Variants in LOXL2 observed in about 807,000 individuals in gnomAD.
The protein encoded by LOXL2 is lysyl oxidase homolog 2.
In LOXL2, 70 loss-of-function variants were observed where a neutral mutation model predicts 93.0. That is an observed-to-expected ratio of 0.75 (90% confidence interval 0.62 to 0.92). The LOEUF (loss-of-function observed/expected upper bound fraction) is 0.92. Among genes scored for constraint, LOXL2 ranks in the 40% least tolerant of loss-of-function variants. The pLI is 0.00. For missense variants in LOXL2, 973 were observed against 1,054.9 expected (o/e 0.92, Z 1.08); for synonymous variants, 438 against 413.2 (o/e 1.06, Z -0.73).
intron 9 of LOXL2, among the ~76,000 whole-genome samples, chr8:23,312,579 G>C (rs562170956): frequency 3.0e-3 from 412 of 137,344 alleles, no homozygotes; most frequent in Non-Finnish European, 5.0e-3. Context: ...TGCAGAAAAG[G>C]CCTTTGACAA....
In LOXL2 at chr8:23,328,533, G is replaced by A. The variant is rs1563191570; in HGVS notation, c.999C>T (p.Tyr333=). The A allele has an allele frequency of 1.2e-6, 2 of 1,614,040 alleles. No individual in the cohort carries two copies. The highest frequency in any genetic ancestry group is 1.7e-6 in the Non-Finnish European group (2 of 1,180,016). The part of the protein sequence containing the change: ...QPLVRLRGGA[Y]IGEGRVEVLK... ...GCACCTCCACGCGGCCCTCCCCGAT[G>A]TAGGCACCGCCTCTCAGTCGCACCA... The change falls in exon 6 of 14, where the codon TAC becomes TAT. Residue 333 remains tyrosine (Y), a synonymous_variant. Coordinates refer to ENST00000389131, the MANE Select transcript of LOXL2 (RefSeq NM_002318.3).
intron 11 of LOXL2, among the ~76,000 whole-genome samples, 168 bp from the exon 12 acceptor site, chr8:23,302,331 C>T (rs1182482818): frequency 6.6e-6 from 1 of 152,134 alleles, no homozygotes; most frequent in African/African-American, 2.4e-5. Flanking sequence ...CCACTCAATT[C>T]CCTACCCACA....
chr8:23,328,194 G>T (rs1047638907), intron 6 of LOXL2, among the ~76,000 whole-genome samples, 188 bp downstream of exon 6: 7 of 152,064 alleles, frequency 4.6e-5, no homozygotes, highest in Non-Finnish European at 1.0e-4. Flanking sequence ...TATAAAATAG[G>T]GTCTCAGTGT....
chr8:23,345,851 G>A (rs1563197265), intron 3 of LOXL2, among the ~76,000 whole-genome samples: 1 of 151,936 alleles, frequency 6.6e-6, no homozygotes, highest in Non-Finnish European at 1.5e-5. Flanking sequence ...GGCGGATCAC[G>A]AGGTCAGGAG....
intron 2 of LOXL2, chr8:23,366,059 C>T (rs570441343): frequency 6.6e-6 from 1 of 152,218 alleles, no homozygotes; most frequent in Admixed American, 6.5e-5. Context: ...AAACCACAAC[C>T]CCCTTGTCTG....
chr8:23,322,390 TC>T, intron 6 of LOXL2, 109 bp from the exon 7 acceptor site: 2 of 882,426 alleles, frequency 2.3e-6, no homozygotes, highest in Non-Finnish European at 3.5e-6. Flanking sequence ...CTCAGAACTC[TC>T]CCCACTGCCT....
chr8:23,327,599 A>G (rs1016654719), intron 6 of LOXL2, among the ~76,000 whole-genome samples: 10 of 151,202 alleles, frequency 6.6e-5, no homozygotes, highest in Admixed American at 3.3e-4. Context: ...GACTTCCCTC[A>G]CTCAAGTCAC....
At chr8:23,395,911 C>G (rs187475319) in intron 1 of LOXL2, among the ~76,000 whole-genome samples, 9 of 152,190 alleles carry the variant, frequency 5.9e-5, no homozygotes, top group Admixed American at 5.9e-4. Context: ...CGAGCTCAGG[C>G]AATCCCCCAA....
chr8:23,301,887 G>T, intron 12 of LOXL2, 140 bp downstream of exon 12: 3 of 1,014,820 alleles, frequency 3.0e-6, no homozygotes, highest in Non-Finnish European at 4.3e-6. Context: ...GATGGACCGT[G>T]ATGGCCTCTG....
At chr8:23,387,567 T>G (rs1366165924) in intron 1 of LOXL2, among the ~76,000 whole-genome samples, 1 of 152,236 alleles carries the variant, frequency 6.6e-6, no homozygotes, top group Non-Finnish European at 1.5e-5. Flanking sequence ...ATCTTATTTC[T>G]TAGCTTATTA....
chr8:23,402,325 G>GCA (rs1267530517), intron 1 of LOXL2, among the ~76,000 whole-genome samples: 2 of 151,882 alleles, frequency 1.3e-5, no homozygotes, highest in Admixed American at 1.3e-4. Context: ...ACACAAACGT[G>GCA]CGCGCGTGCA....
At chr8:23,331,506 C>G (rs1243473113) in intron 5 of LOXL2, 1 of 152,246 alleles carries the variant, frequency 6.6e-6, no homozygotes, top group East Asian at 1.9e-4. Context: ...CACAGGGCAT[C>G]AGCCCCTGAG....
chr8:23,312,418 G>A (rs7837737), intron 9 of LOXL2, among the ~76,000 whole-genome samples: 7,909 of 131,792 alleles, frequency 0.06, 405 homozygotes, highest in African/African-American at 0.13. Flanking sequence ...CTGGCAAACC[G>A]AATCCAGCAG....
intron 6 of LOXL2, among the ~76,000 whole-genome samples, chr8:23,327,631 G>C (rs955205302): frequency 5.3e-5 from 8 of 152,124 alleles, no homozygotes; most frequent in Admixed American, 1.3e-4. Flanking sequence ...GGAAGACTGG[G>C]CACTCCTAGA....
chr8:23,341,229 G>A, intron 3 of LOXL2, 26 bp from the exon 4 acceptor site: 2 of 1,582,926 alleles, frequency 1.3e-6, no homozygotes, highest in Non-Finnish European at 1.7e-6. Context: ...CGTGGAAGGA[G>A]AGGGTTACCC....
rs746328347 is a variant in LOXL2, at chr8:23,303,285, C to T, written c.1993G>A (p.Gly665Arg). ...SFCLEDTECEGDIQKNYECAN... is the reference protein window; with the variant it reads ...SFCLEDTECERDIQKNYECAN... The stretch of plus-strand genomic sequence containing the variant: ...TCCCCCCACTCCGCTCAGATACCTC[C>T]TTCACATTCTGTGTCCTCCAAGCAG... The change falls in exon 11 of 14, where the codon GGA (glycine) becomes AGA (arginine). Residue 665 changes from glycine (G) to arginine (R), a missense_variant. Gly to Arg is a moderately radical substitution (Grantham distance 125). Transcript: ENST00000389131. 9.3e-6 allele frequency: 15 copies of T among 1,605,928 alleles called. No individual in the cohort carries two copies. Among genetic ancestry groups the T allele is most frequent in the Admixed American group, 3.3e-5 (2 of 59,958 alleles).
At chr8:23,356,148 T>C (rs574357978) in intron 3 of LOXL2, among the ~76,000 whole-genome samples, 1 of 152,308 alleles carries the variant, frequency 6.6e-6, no homozygotes, top group African/African-American at 2.4e-5. Flanking sequence ...CCTTTTAATT[T>C]CCATGAACAT....
chr8:23,371,502 C>T (rs922939598), intron 1 of LOXL2, among the ~76,000 whole-genome samples: 1 of 152,066 alleles, frequency 6.6e-6, no homozygotes, highest in Non-Finnish European at 1.5e-5. Flanking sequence ...CCTGTAATCC[C>T]AGCACTTTGG....
chr8:23,302,168 G>A lies in LOXL2; in HGVS notation c.1997-5C>T, dbSNP rs188334861. ...ACTCGTAATTCTTCTGGATGTCTGC[G>A]GGCAGGGTAGAGGAGAGCTCATCAC... is the stretch of plus-strand genomic sequence containing the variant. On this transcript the variant is annotated splice_region_variant and splice_polypyrimidine_tract_variant and intron_variant, in intron 11 of 13. Transcript: ENST00000389131. 2.2e-5 allele frequency: 35 copies of A among 1,614,062 alleles called. No individual in the cohort carries two copies. The East Asian group carries it at 3.1e-4, about 14-fold the overall frequency.
Sources: allele counts gnomAD v4.1 joint callset (sites outside exome capture counted in the v4.1 genomes callset), GRCh38; gene constraint gnomAD v4.1.1; transcripts MANE v1.5; gene names NCBI Gene and HGNC (gene_info 2026-07-23, HGNC 2026-07-21).